The following IMMP2L variants were observed in gnomAD, a reference collection of about 807,000 sequenced individuals.
IMMP2L encodes inner mitochondrial membrane peptidase subunit 2.
In IMMP2L, 18 loss-of-function variants were observed where a neutral mutation model predicts 19.3. That is an observed-to-expected ratio of 0.93 (90% CI 0.64 to 1.38). The LOEUF (loss-of-function observed/expected upper bound fraction) is 1.38. IMMP2L is among the 40% of genes most tolerant of loss of function. The pLI, the probability that IMMP2L is intolerant of heterozygous loss-of-function variation, is 0.00. For synonymous variants in IMMP2L, 76 were observed against 73.0 expected (o/e 1.04, Z -0.21); for missense variants, 233 against 218.2 (o/e 1.07, Z -0.43).
At chr7:111,534,510 GTATT>G (rs965552754) in intron 1 of IMMP2L, among the ~76,000 whole-genome samples, 13 of 151,986 alleles carry the variant, frequency 8.6e-5, no homozygotes, top group African/African-American at 3.1e-4. Context: ...AATGATGACA[GTATT>G]TATTTGCAAT....
At chr7:111,300,041 T>C (rs1424855023) in intron 3 of IMMP2L, among the ~76,000 whole-genome samples, 1 of 152,166 alleles carries the variant, frequency 6.6e-6, no homozygotes, top group Admixed American at 6.5e-5. Context: ...TATTAAGACA[T>C]CTATAGACAT....
At chr7:111,489,036 C>CTTTTTTTTTT (rs35930780) in intron 2 of IMMP2L, among the ~76,000 whole-genome samples, 1 of 87,142 alleles carries the variant, frequency 1.1e-5, no homozygotes. Context: ...CCTCAATCCA[C>CTTTTTTTTTT]TTTTTTTTTT....
chr7:111,037,903 T>C (rs1228568435), intron 3 of IMMP2L, among the ~76,000 whole-genome samples: 1 of 152,162 alleles, frequency 6.6e-6, no homozygotes, highest in Non-Finnish European at 1.5e-5. Flanking sequence ...CAGTTTTAAA[T>C]GTACTGTATT....
intron 5 of IMMP2L, among the ~76,000 whole-genome samples, chr7:110,717,238 AG>A (rs1427973464): frequency 6.6e-6 from 1 of 152,196 alleles, no homozygotes; most frequent in African/African-American, 2.4e-5. Context: ...GCACTTTGGG[AG>A]GCCGAGGCGG....
At chr7:111,510,307 A>C (rs1845316430) in intron 2 of IMMP2L, among the ~76,000 whole-genome samples, 1 of 152,128 alleles carries the variant, frequency 6.6e-6, no homozygotes, top group African/African-American at 2.4e-5. Context: ...AGTTTTTTCG[A>C]GCTTGTACAT....
rs1205669918 is a variant in IMMP2L, at chr7:111,552,535, GC to G, written c.-3+9315del. On this transcript the variant is annotated intron_variant, in intron 1 of 5. Transcript: ENST00000405709. ...ACTCCTGACCTCAAGTGATCCACCTGCCTCGGCCTCCCAAAGTGCTGGGATT... is the reference window on the plus strand; with the variant it reads ...ACTCCTGACCTCAAGTGATCCACCTGCTCGGCCTCCCAAAGTGCTGGGATT... Among the ~76,000 whole-genome samples the G allele has an allele frequency of 2.0e-5, 3 of 152,132 alleles. No homozygotes were observed. The East Asian group carries it at 5.8e-4, about 29-fold the overall frequency.
chr7:111,222,008 A>T (rs1402743658), intron 3 of IMMP2L, among the ~76,000 whole-genome samples: 10 of 151,980 alleles, frequency 6.6e-5, no homozygotes, highest in Admixed American at 6.6e-4. Flanking sequence ...GGAAAAGTAA[A>T]TCCCTACCCA....
At chr7:111,304,785 T>C (rs548644822) in intron 3 of IMMP2L, among the ~76,000 whole-genome samples, 2 of 150,380 alleles carry the variant, frequency 1.3e-5, no homozygotes, top group African/African-American at 2.4e-5. Flanking sequence ...ATGACCCACA[T>C]GTTACTTTAA....
chr7:110,990,737 A>G (rs1272397517), intron 3 of IMMP2L, among the ~76,000 whole-genome samples: 1 of 152,158 alleles, frequency 6.6e-6, no homozygotes, highest in African/African-American at 2.4e-5. Flanking sequence ...AACTTACACC[A>G]GGATTGGCTT....
chr7:111,302,578 C>T (rs947887569), intron 3 of IMMP2L, among the ~76,000 whole-genome samples: 2 of 151,924 alleles, frequency 1.3e-5, no homozygotes, highest in Non-Finnish European at 2.9e-5. Flanking sequence ...ATTACTGTTC[C>T]CATTATATAA....
chr7:111,259,835 T>C (rs1437622734), intron 3 of IMMP2L, among the ~76,000 whole-genome samples: 1 of 152,178 alleles, frequency 6.6e-6, no homozygotes, highest in Non-Finnish European at 1.5e-5. Context: ...ATATTTTCTT[T>C]TTTAAAAAAT....
intron 3 of IMMP2L, chr7:111,124,876 G>T (rs1204838230): frequency 6.3e-7 from 1 of 1,596,000 alleles, no homozygotes; most frequent in Non-Finnish European, 8.5e-7. Context: ...AACTGTTATA[G>T]GTTTACCAAC....
chr7:111,254,548 A>G (rs1016078336), intron 3 of IMMP2L, among the ~76,000 whole-genome samples: 3 of 152,144 alleles, frequency 2.0e-5, no homozygotes, highest in Admixed American at 2.0e-4. Flanking sequence ...GACTGTCAGA[A>G]TATCTGATAC....
At chr7:110,880,689 TA>T (rs568133667) in intron 5 of IMMP2L, among the ~76,000 whole-genome samples, 343 of 152,004 alleles carry the variant, frequency 2.3e-3, no homozygotes, top group Non-Finnish European at 3.1e-3. Context: ...AACCTCACTT[TA>T]AAAAAAATTC....
chr7:111,373,273 G>A (rs185214659), intron 3 of IMMP2L, among the ~76,000 whole-genome samples: 11 of 152,114 alleles, frequency 7.2e-5, no homozygotes, highest in Admixed American at 7.2e-4. Flanking sequence ...TGATCAAAAA[G>A]GTTAACATAC....
intron 3 of IMMP2L, among the ~76,000 whole-genome samples, chr7:111,150,693 A>G (rs2129602528): frequency 6.6e-6 from 1 of 152,342 alleles, no homozygotes; most frequent in Non-Finnish European, 1.5e-5. Context: ...TCTTATATAA[A>G]TATGTAAGTG....
At chr7:110,676,881 A>G (rs1792337322) in intron 5 of IMMP2L, among the ~76,000 whole-genome samples, 1 of 152,154 alleles carries the variant, frequency 6.6e-6, no homozygotes, top group Non-Finnish European at 1.5e-5. Context: ...TTGCCCTTAT[A>G]ATCACTGCTG....
chr7:110,939,440 G>A (rs1467327813), intron 4 of IMMP2L, among the ~76,000 whole-genome samples: 2 of 150,144 alleles, frequency 1.3e-5, no homozygotes, highest in African/African-American at 4.9e-5. Flanking sequence ...CGAGTACACA[G>A]GGAATAAAAA....
At position 111,046,140 on chromosome 7, in the gene IMMP2L, C is replaced by A. The variant is rs139137009; in HGVS notation, c.240-82575G>T. Among the ~76,000 whole-genome samples the A allele has an allele frequency of 8.4e-3, 1,272 of 151,580 alleles. 19 individuals carry two copies. Among genetic ancestry groups the A allele is most frequent in the African/African-American group, 0.028 (1,150 of 41,320 alleles). ...CATAATTCAAACAAATTAAAAAATA[C>A]CAAGTACAAATGAAGAAGAAACAAT... is the stretch of plus-strand genomic sequence containing the variant. On this transcript the variant is annotated intron_variant, in intron 3 of 5. Coordinates refer to ENST00000405709, the MANE Select transcript of IMMP2L (RefSeq NM_032549.4).
Sources: gnomAD v4.1 joint callset for allele counts (sites outside exome capture counted in the v4.1 genomes callset) on GRCh38, gnomAD v4.1.1 for gene constraint, MANE v1.5 for transcripts, NCBI Gene and HGNC (gene_info 2026-07-23, HGNC 2026-07-21) for gene names.